Variants in CYP7B1 observed in about 807,000 individuals in gnomAD.
CYP7B1 encodes the protein cytochrome P450 family 7 subfamily B member 1.
A neutral mutation model predicts 42.7 loss-of-function variants in CYP7B1; 29 were observed. The ratio of observed to expected loss-of-function variants is 0.68; its 90% CI spans 0.51 to 0.93. CYP7B1 has a LOEUF of 0.93. Ranked by LOEUF, CYP7B1 falls within the 40% of genes least tolerant of loss-of-function variation. The probability of loss-of-function intolerance (pLI) is 0.00; values close to 1 mark genes in which losing one functional copy is unlikely to be tolerated. For synonymous variants in CYP7B1, 235 were observed against 218.2 expected (o/e 1.08, Z -0.68); for missense variants, 655 against 600.5 (o/e 1.09, Z -0.95).
chr8:64,737,318 TTTTG>T (rs1341870344), intron 1 of CYP7B1, among the ~76,000 whole-genome samples: 9 of 152,324 alleles, frequency 5.9e-5, no homozygotes, highest in Admixed American at 5.2e-4. Context: ...ATAATTCTTG[TTTTG>T]TTTTTCTTTT....
chr8:64,664,489 G>GAA (rs763306730), intron 1 of CYP7B1, among the ~76,000 whole-genome samples: 4 of 152,226 alleles, frequency 2.6e-5, no homozygotes, highest in East Asian at 1.9e-4. Flanking sequence ...GAGAGAGAGA[G>GAA]AAACCAAGAC....
chr8:64,781,231 C>T (rs1336473524), intron 1 of CYP7B1, among the ~76,000 whole-genome samples: 1 of 152,136 alleles, frequency 6.6e-6, no homozygotes, highest in East Asian at 1.9e-4. Context: ...TCCAATCTCC[C>T]AATCTTTTTC....
At chr8:64,711,310 T>C (rs1358697431) in intron 1 of CYP7B1, among the ~76,000 whole-genome samples, 2 of 151,984 alleles carry the variant, frequency 1.3e-5, no homozygotes, top group Non-Finnish European at 2.9e-5. Context: ...CACAGCTGAG[T>C]GGAAATGATT....
At position 64,701,347 on chromosome 8, in the gene CYP7B1, G is replaced by A. The variant is rs1369066013; in HGVS notation, c.123-76808C>T. Among the ~76,000 whole-genome samples the A allele has an allele frequency of 2.0e-5, 3 of 151,968 alleles. No individual in the cohort carries two copies. The East Asian group carries it at 5.8e-4, about 29-fold the overall frequency. On this transcript the variant is annotated intron_variant, in intron 1 of 5. Coordinates refer to ENST00000310193, the MANE Select transcript of CYP7B1 (RefSeq NM_004820.5). ...GTAATGCATTGGAACCACACTGCCA[G>A]GTATAAGACCCACTGGCTGCTATGG...
intron 1 of CYP7B1, among the ~76,000 whole-genome samples, chr8:64,715,811 C>T (rs542552190): frequency 2.6e-5 from 4 of 152,300 alleles, no homozygotes; most frequent in South Asian, 4.1e-4. Context: ...GTTCTTAACA[C>T]GGACACAGCC....
chr8:64,704,042 G>T (rs1349772070), intron 1 of CYP7B1: 1 of 152,016 alleles, frequency 6.6e-6, no homozygotes, highest in African/African-American at 2.4e-5. Context: ...GCCTAGTCAG[G>T]ACAGAAAGCA....
intron 1 of CYP7B1, among the ~76,000 whole-genome samples, chr8:64,740,182 T>C (rs748355168): frequency 1.3e-5 from 2 of 152,064 alleles, no homozygotes; most frequent in Non-Finnish European, 2.9e-5. Flanking sequence ...GGGCTGTAAG[T>C]CACACCTTAA....
intron 1 of CYP7B1, among the ~76,000 whole-genome samples, chr8:64,654,148 A>G (rs1320135177): frequency 6.6e-6 from 1 of 152,216 alleles, no homozygotes; most frequent in East Asian, 1.9e-4. Context: ...CCTATTCAAC[A>G]TAGTATTGGA....
intron 1 of CYP7B1, among the ~76,000 whole-genome samples, chr8:64,685,918 G>A (rs1806627335): frequency 2.6e-5 from 1 of 38,196 alleles, no homozygotes; most frequent in Admixed American, 2.0e-4. Flanking sequence ...CGTCCGGGAG[G>A]GAGGTGGGGG....
chr8:64,589,262 C>T (rs1010416774), downstream of CYP7B1, among the ~76,000 whole-genome samples: 1 of 152,192 alleles, frequency 6.6e-6, no homozygotes, highest in African/African-American at 2.4e-5. Flanking sequence ...TGGTTAAGTT[C>T]TAGGACCACT....
chr8:64,622,753 G>A lies in CYP7B1; in HGVS notation c.259+1650C>T, dbSNP rs149090089. 1.8e-3 allele frequency among the ~76,000 whole-genome samples: 277 copies of A among 152,270 alleles called. 1 individual carries two copies. Among genetic ancestry groups the A allele is most frequent in the Non-Finnish European group, 2.9e-3 (198 of 68,008 alleles). On this transcript the variant is annotated intron_variant, in intron 2 of 5. Transcript: ENST00000310193. ...AATCTAGATGTACCAGTCCAGAGGCGGCAAGAAGAAAGGGTCATGGGGACA... is the reference window on the plus strand; with the variant it reads ...AATCTAGATGTACCAGTCCAGAGGCAGCAAGAAGAAAGGGTCATGGGGACA...
intron 2 of CYP7B1, among the ~76,000 whole-genome samples, chr8:64,622,709 T>C (rs540522346): frequency 6.6e-5 from 10 of 152,126 alleles, no homozygotes; most frequent in African/African-American, 1.9e-4. Flanking sequence ...AAAATGAAGA[T>C]GCATGTGTGA....
In CYP7B1 at chr8:64,594,541, A is replaced by G. The variant is rs1370848799; in HGVS notation, c.*2101T>C. ...CTATGATATTAGGAAGGGGTATGAA[A>G]GTGGGTATTAGGGACAAAACAGAAT... On this transcript the variant is annotated 3_prime_UTR_variant, in exon 6 of 6. Transcript: ENST00000310193. 6.6e-6 allele frequency among the ~76,000 whole-genome samples: 1 copy of G among 152,192 alleles called. No individual in the cohort carries two copies. The highest frequency in any genetic ancestry group is 6.5e-5 in the Admixed American group (1 of 15,270).
intron 1 of CYP7B1, among the ~76,000 whole-genome samples, chr8:64,695,941 T>C (rs1348592466): frequency 2.0e-5 from 3 of 152,178 alleles, no homozygotes. Flanking sequence ...AATTTAAAAA[T>C]GCAAAATGTA....
intron 1 of CYP7B1, among the ~76,000 whole-genome samples, chr8:64,634,783 C>G (rs1289203142): frequency 1.3e-5 from 2 of 151,980 alleles, no homozygotes; most frequent in Non-Finnish European, 1.5e-5. Context: ...TGAGGACAAG[C>G]AGAACCTACC....
chr8:64,628,336 A>G (rs1805638795), intron 1 of CYP7B1, among the ~76,000 whole-genome samples: 1 of 152,204 alleles, frequency 6.6e-6, no homozygotes, highest in African/African-American at 2.4e-5. Context: ...TGTCATCTAC[A>G]GTCCAAAGTT....
At chr8:64,661,353 A>G (rs1368174023) in intron 1 of CYP7B1, among the ~76,000 whole-genome samples, 6 of 152,212 alleles carry the variant, frequency 3.9e-5, no homozygotes, top group African/African-American at 9.6e-5. Flanking sequence ...AATCTTCCAT[A>G]TAAGGCCAAC....
intron 1 of CYP7B1, among the ~76,000 whole-genome samples, chr8:64,786,850 C>T (rs1337916671): frequency 6.6e-6 from 1 of 152,258 alleles, no homozygotes; most frequent in Non-Finnish European, 1.5e-5. Flanking sequence ...TACATACATC[C>T]TCTGTAATCT....
intron 1 of CYP7B1, among the ~76,000 whole-genome samples, chr8:64,788,953 C>T (rs1187793955): frequency 6.6e-6 from 1 of 152,194 alleles, no homozygotes; most frequent in Non-Finnish European, 1.5e-5. Context: ...TGCAGTCTCA[C>T]TCTGTCGCCC....
Sources: allele counts gnomAD v4.1 joint callset (sites outside exome capture counted in the v4.1 genomes callset), GRCh38; gene constraint gnomAD v4.1.1; transcripts MANE v1.5; gene names NCBI Gene and HGNC (gene_info 2026-07-23, HGNC 2026-07-21).